CCDC7: variants seen among roughly 807,000 people sequenced by gnomAD.
The protein encoded by CCDC7 is coiled-coil domain-containing protein 7.
In CCDC7, 183 loss-of-function variants were observed where a neutral mutation model predicts 196.9. The observed-to-expected ratio is 0.93, with a 90% CI of 0.82 to 1.05. CCDC7 has a LOEUF of 1.05. Among genes scored for constraint, CCDC7 ranks in the 50% least tolerant of loss-of-function variants. The pLI, the probability that CCDC7 is intolerant of heterozygous loss-of-function variation, is 0.00. For missense variants in CCDC7, 1,540 were observed against 1,482.2 expected (o/e 1.04, Z -0.64); for synonymous variants, 525 against 484.6 (o/e 1.08, Z -1.10).
At chr10:32,760,165 A>C (rs987594539) in intron 28 of CCDC7, among the ~76,000 whole-genome samples, 1 of 151,514 alleles carries the variant, frequency 6.6e-6, no homozygotes, top group Admixed American at 6.6e-5. Flanking sequence ...AACTAGTTCA[A>C]CCATTGTGGA....
chr10:32,791,247 T>TA (rs2082655769), intron 29 of CCDC7, among the ~76,000 whole-genome samples: 3 of 147,104 alleles, frequency 2.0e-5, no homozygotes, highest in Admixed American at 6.8e-5. Flanking sequence ...TGAGTCTTTT[T>TA]CAAAAAAAAA....
chr10:32,768,466 A>G (rs1490128089), intron 28 of CCDC7, among the ~76,000 whole-genome samples: 4 of 152,186 alleles, frequency 2.6e-5, no homozygotes, highest in African/African-American at 9.6e-5. Flanking sequence ...ATTATCAGTG[A>G]ACAAAGATGA....
intron 9 of CCDC7, chr10:32,511,265 G>C (rs1393196228): frequency 1.8e-6 from 1 of 542,382 alleles, no homozygotes; most frequent in Non-Finnish European, 3.2e-6. Context: ...GGGGGGCGGG[G>C]GGGGCGGGGA....
chr10:32,577,797 A>G (rs2058366984), intron 16 of CCDC7, among the ~76,000 whole-genome samples: 2 of 152,026 alleles, frequency 1.3e-5, no homozygotes, highest in African/African-American at 2.4e-5. Flanking sequence ...TTTTAATAGA[A>G]TTTTCCTGGG....
intron 2 of CCDC7, 84 bp downstream of exon 3, chr10:32,453,520 T>G: frequency 2.2e-6 from 2 of 909,094 alleles, no homozygotes; most frequent in Non-Finnish European, 2.9e-6. Flanking sequence ...TAAAATATTT[T>G]CTTTTGGAGT....
intron 13 of CCDC7, among the ~76,000 whole-genome samples, chr10:32,556,338 A>G (rs2054338406): frequency 6.6e-6 from 1 of 152,184 alleles, no homozygotes; most frequent in Non-Finnish European, 1.5e-5. Flanking sequence ...TTTTTATCTC[A>G]TGTAAAGTTT....
chr10:32,547,063 G>GGTTGGA (rs1390031220), intron 13 of CCDC7, among the ~76,000 whole-genome samples: 2 of 151,878 alleles, frequency 1.3e-5, no homozygotes, highest in Non-Finnish European at 2.9e-5. Flanking sequence ...CTGTCACCTA[G>GGTTGGA]GTTGGAGTGC....
intron 9 of CCDC7, among the ~76,000 whole-genome samples, chr10:32,510,544 T>C (rs2135319908): frequency 6.6e-6 from 1 of 152,298 alleles, no homozygotes; most frequent in South Asian, 2.1e-4. Flanking sequence ...TTGATGATGA[T>C]GATATTTTCA....
chr10:32,556,129 A>T (rs1589830114), intron 13 of CCDC7, among the ~76,000 whole-genome samples: 1 of 152,168 alleles, frequency 6.6e-6, no homozygotes, highest in South Asian at 2.1e-4. Context: ...TATGGGAGCT[A>T]TTGTGAAGAA....
At chr10:32,546,236 C>T (rs1157656205) in intron 13 of CCDC7, among the ~76,000 whole-genome samples, 2 of 152,208 alleles carry the variant, frequency 1.3e-5, no homozygotes, top group Non-Finnish European at 2.9e-5. Context: ...TTTAGATTGT[C>T]TTGCTACTCA....
At chr10:32,597,564 G>C (rs941282566) in intron 18 of CCDC7, among the ~76,000 whole-genome samples, 1 of 152,212 alleles carries the variant, frequency 6.6e-6, no homozygotes, top group African/African-American at 2.4e-5. Flanking sequence ...TCGGTTGCTG[G>C]TGAGGAGCTC....
intron 25 of CCDC7, among the ~76,000 whole-genome samples, chr10:32,721,812 G>A (rs77118787): frequency 0.14 from 21,767 of 152,066 alleles, 1,900 homozygotes; most frequent in African/African-American, 0.25. Flanking sequence ...GACCCACCAG[G>A]AAGATGTCTT....
chr10:32,645,685 A>G (rs2067648967), intron 20 of CCDC7, among the ~76,000 whole-genome samples: 2 of 151,712 alleles, frequency 1.3e-5, no homozygotes, highest in African/African-American at 4.8e-5. Flanking sequence ...CTTTGATGGA[A>G]AGCTTCTAAT....
intron 20 of CCDC7, among the ~76,000 whole-genome samples, chr10:32,646,792 G>A (rs562302671): frequency 1.3e-5 from 2 of 152,172 alleles, no homozygotes; most frequent in South Asian, 4.2e-4. Context: ...ATCCACATGT[G>A]GTCAATACTT....
In CCDC7 at chr10:32,543,285, T is replaced by G; in HGVS notation, c.994-15T>G. The G allele has an allele frequency of 7.2e-7, 1 of 1,396,606 alleles. No individual in the cohort carries two copies. The highest frequency in any genetic ancestry group is 9.5e-7 in the Non-Finnish European group (1 of 1,055,568). 86.5% of individuals were successfully genotyped at this position (1,396,606 alleles called of 1,614,324 possible). On this transcript the variant is annotated splice_polypyrimidine_tract_variant and intron_variant, in intron 11 of 41. Transcript: ENST00000639629. ...TTTTTAACCCTTTATTTCTGGCTTA[T>G]GTAAAATTATACAGAAAACTAAGCC...
intron 11 of CCDC7, among the ~76,000 whole-genome samples, chr10:32,519,585 A>T (rs77191551): frequency 1.1e-4 from 16 of 146,708 alleles, no homozygotes; most frequent in African/African-American, 2.9e-4. Flanking sequence ...ATTTAAAAAA[A>T]TTTTTATTTT....
chr10:32,591,538 T>C (rs2059783107), intron 18 of CCDC7, among the ~76,000 whole-genome samples: 1 of 152,096 alleles, frequency 6.6e-6, no homozygotes, highest in Admixed American at 6.6e-5. Context: ...AGTGTTATCA[T>C]CAGTTTAAAA....
chr10:32,576,034 C>T (rs1464614271), intron 16 of CCDC7, among the ~76,000 whole-genome samples: 1 of 152,104 alleles, frequency 6.6e-6, no homozygotes, highest in South Asian at 2.1e-4. Flanking sequence ...AAGAGAAAGT[C>T]GTTCATCACC....
chr10:32,808,441 A>T (rs2086332603), intron 30 of CCDC7, among the ~76,000 whole-genome samples: 1 of 152,142 alleles, frequency 6.6e-6, no homozygotes, highest in African/African-American at 2.4e-5. Flanking sequence ...GAACTCAGCT[A>T]GCCAGTTGTA....
Sources: gnomAD v4.1 joint callset for allele counts (sites outside exome capture counted in the v4.1 genomes callset) on GRCh38, gnomAD v4.1.1 for gene constraint, MANE v1.5 for transcripts, NCBI Gene and HGNC (gene_info 2026-07-23, HGNC 2026-07-21) for gene names.